The following FAM184A variants were observed in gnomAD, a reference collection of about 807,000 sequenced individuals.
The protein encoded by FAM184A is family with sequence similarity 184 member A.
Under a neutral mutation model 143.8 loss-of-function variants are expected in FAM184A, and 99 were observed. The ratio of observed to expected loss-of-function variants is 0.69; its 90% confidence interval spans 0.58 to 0.81. The LOEUF (loss-of-function observed/expected upper bound fraction) is 0.81, where lower values mean the gene tolerates loss of function less well. Among genes scored for constraint, FAM184A ranks in the 40% least tolerant of loss-of-function variants. FAM184A has a pLI of 0.00. For missense variants in FAM184A, 1,217 were observed against 1,310.5 expected (o/e 0.93, Z 1.10); for synonymous variants, 427 against 446.4 (o/e 0.96, Z 0.55).
intron 1 of FAM184A, among the ~76,000 whole-genome samples, chr6:119,130,858 CTTTTTTTT>C (rs67738048): frequency 2.3e-5 from 3 of 131,708 alleles, no homozygotes; most frequent in Non-Finnish European, 3.2e-5. Context: ...TTCTTTTTTT[CTTTTTTTT>C]TTTTTTTTTG....
rs535119778 is a variant in FAM184A at position 119,146,934 on chromosome 6, C to T, written c.-202+2144G>A. Among the ~76,000 whole-genome samples the T allele has an allele frequency of 1.7e-4, 26 of 152,148 alleles. 1 individual carries two copies. The South Asian group carries it at 5.4e-3, about 32-fold the overall frequency. ...CACCCCCAGGCTTGCATTTATAGCTCTTGCCCTTTCCACATGATAGTCACT... is the reference window on the plus strand; with the variant it reads ...CACCCCCAGGCTTGCATTTATAGCTTTTGCCCTTTCCACATGATAGTCACT... On this transcript the variant is annotated intron_variant, in intron 1 of 16. Transcript: ENST00000352896.
At chr6:119,029,092 A>G (rs1482532932) in intron 1 of FAM184A, among the ~76,000 whole-genome samples, 1 of 152,244 alleles carries the variant, frequency 6.6e-6, no homozygotes, top group Non-Finnish European at 1.5e-5. Context: ...CATTTGCTAG[A>G]GTGCCTAGAG....
intron 1 of FAM184A, among the ~76,000 whole-genome samples, chr6:119,056,280 GT>G (rs909039013): frequency 2.6e-5 from 4 of 152,138 alleles, no homozygotes; most frequent in Admixed American, 1.3e-4. Flanking sequence ...AAGAAACTAG[GT>G]TTTTGGTTTA....
chr6:119,003,187 T>G (rs533524814), intron 8 of FAM184A, 138 bp from the exon 9 acceptor site: 9 of 784,960 alleles, frequency 1.1e-5, no homozygotes, highest in Non-Finnish European at 1.7e-5. Context: ...ATTATTTACT[T>G]AAGGGCTGTA....
At chr6:119,056,092 T>C (rs1786963245) in intron 1 of FAM184A, among the ~76,000 whole-genome samples, 1 of 152,140 alleles carries the variant, frequency 6.6e-6, no homozygotes, top group African/African-American at 2.4e-5. Flanking sequence ...AAGGAAACTT[T>C]GCAAAAATAA....
At chr6:119,006,257 G>T in intron 7 of FAM184A, 190 bp downstream of exon 7, 2 of 750,408 alleles carry the variant, frequency 2.7e-6, no homozygotes, top group Non-Finnish European at 4.8e-6. Flanking sequence ...TGGACTTCTA[G>T]CCTCCAGAGC....
chr6:119,010,708 T>C (rs1480585077), intron 6 of FAM184A, among the ~76,000 whole-genome samples: 2 of 152,216 alleles, frequency 1.3e-5, no homozygotes, highest in Non-Finnish European at 2.9e-5. Flanking sequence ...CATGTTTCAA[T>C]TCACAACTTT....
intron 1 of FAM184A, among the ~76,000 whole-genome samples, chr6:119,132,500 CTG>C (rs1743631156): frequency 6.6e-6 from 1 of 152,240 alleles, no homozygotes; most frequent in Admixed American, 6.5e-5. Context: ...ATCCCAGTCT[CTG>C]TAATTCATGC....
rs1278317457 is a variant in FAM184A at position 119,078,652 on chromosome 6, A to G, written c.-353T>C. 4.6e-5 allele frequency: 8 copies of G among 175,694 alleles called. No individual in the cohort carries two copies. Among genetic ancestry groups the G allele is most frequent in the Non-Finnish European group, 9.5e-5 (8 of 83,842 alleles). 10.9% of individuals were successfully genotyped at this position (175,694 alleles called of 1,614,324 possible). ...GTCCCGCTCGCAGCCCGCACCGAGG[A>G]CTCGGCGAGGCTGCGGAGGGAGGAG... On this transcript the variant is annotated 5_prime_UTR_variant, in exon 1 of 18. Coordinates refer to ENST00000338891, the MANE Select transcript of FAM184A (RefSeq NM_024581.6). The surrounding 1 kb of genome is among the most constrained non-coding windows in gnomAD (Gnocchi z 5.5).
At chr6:119,129,632 A>T in intron 1 of FAM184A, among the ~76,000 whole-genome samples, 1 of 150,990 alleles carries the variant, frequency 6.6e-6, no homozygotes, top group East Asian at 1.9e-4. Flanking sequence ...TAATTAGAGA[A>T]ATTTCTAGGG....
intron 1 of FAM184A, among the ~76,000 whole-genome samples, chr6:119,028,418 T>C (rs1174985027): frequency 2.0e-5 from 3 of 152,122 alleles, no homozygotes; most frequent in Admixed American, 6.5e-5. Flanking sequence ...CATGTGACTA[T>C]ACAGTTGGAA....
chr6:119,143,398 C>T (rs1344337589), intron 1 of FAM184A, among the ~76,000 whole-genome samples: 1 of 152,172 alleles, frequency 6.6e-6, no homozygotes, highest in African/African-American at 2.4e-5. Context: ...TAATCTATAT[C>T]TCTGAAAACA....
At chr6:119,146,397 CGTGTGTGTGTGTGTGTGTGTGT>C (rs60937351) in intron 1 of FAM184A, among the ~76,000 whole-genome samples, 2 of 136,392 alleles carry the variant, frequency 1.5e-5, no homozygotes, top group Admixed American at 7.4e-5. Context: ...GATTAACTTA[CGTGTGTGTGTGTGTGTGTGTGT>C]GTGTGTGTGT....
rs1785556053 is a variant in FAM184A, at chr6:119,024,333, T to G, written c.640A>C (p.Lys214Gln). The change falls in exon 2 of 18, where the codon AAA becomes CAA. Residue 214 changes from lysine to glutamine, a missense_variant. Coordinates refer to ENST00000338891, the MANE Select transcript of FAM184A (RefSeq NM_024581.6). ...SQQDHSASVN[K>Q]GQEKAEELHR... ...AGTTCCTCTGCCTTTTCCTGGCCTT[T>G]ATTTACTGAGGCACTGTGATCCTGC... The G allele has an allele frequency of 6.2e-7, 1 of 1,614,188 alleles. No homozygotes were observed. The highest frequency in any genetic ancestry group is 1.3e-5 in the African/African-American group (1 of 75,060).
intron 1 of FAM184A, among the ~76,000 whole-genome samples, chr6:119,075,363 T>G (rs1029935446): frequency 6.6e-6 from 1 of 152,198 alleles, no homozygotes; most frequent in Non-Finnish European, 1.5e-5. Flanking sequence ...TATATGTCTT[T>G]TCAGTGAGTG....
chr6:119,059,073 T>C (rs977579961), intron 1 of FAM184A, among the ~76,000 whole-genome samples: 2 of 152,154 alleles, frequency 1.3e-5, no homozygotes, highest in African/African-American at 4.8e-5. Flanking sequence ...CTCAGCTCAC[T>C]GCAACCTCCA....
At chr6:118,990,906 TA>T (rs2114610331) in intron 9 of FAM184A, among the ~76,000 whole-genome samples, 1 of 151,744 alleles carries the variant, frequency 6.6e-6, no homozygotes, top group Non-Finnish European at 1.5e-5. Flanking sequence ...AATAAACAAA[TA>T]AAAAATTAGA....
chr6:119,137,452 C>A (rs961645022), intron 1 of FAM184A, among the ~76,000 whole-genome samples: 3 of 152,148 alleles, frequency 2.0e-5, no homozygotes, highest in Admixed American at 2.0e-4. Flanking sequence ...GCCCTATCTG[C>A]AAATACAGTC....
At chr6:119,027,126 G>A (rs1438035472) in intron 1 of FAM184A, among the ~76,000 whole-genome samples, 2 of 152,034 alleles carry the variant, frequency 1.3e-5, no homozygotes, top group Admixed American at 6.6e-5. Flanking sequence ...TTGCCAATCA[G>A]GAAATCTCTG....
Sources: gnomAD v4.1 joint callset for allele counts (sites outside exome capture counted in the v4.1 genomes callset) on GRCh38, gnomAD v4.1.1 for gene constraint, Gnocchi (gnomAD v3.1) non-coding constraint, MANE v1.5 for transcripts, NCBI Gene and HGNC (gene_info 2026-07-23, HGNC 2026-07-21) for gene names.